Variants in GTF2F2 observed in about 807,000 individuals in gnomAD.
The protein encoded by GTF2F2 is general transcription factor IIF subunit 2, also known as ATP-dependent helicase GTF2F2.
GTF2F2 carries 23 observed loss-of-function variants against 42.2 expected under a neutral mutation model. The observed-to-expected ratio is 0.55, with a 90% CI of 0.39 to 0.77. The LOEUF is 0.77. Ranked by LOEUF, GTF2F2 falls within the 30% of genes least tolerant of loss-of-function variation. The pLI, the probability that GTF2F2 is intolerant of heterozygous loss-of-function variation, is 0.00. For synonymous variants in GTF2F2, 105 were observed against 100.8 expected, an observed-to-expected ratio of 1.04 and a Z score of -0.25; for missense variants, 261 against 287.2, an observed-to-expected ratio of 0.91 and a Z score of 0.66.
chr13:45,256,242 A>G (rs1212516842), intron 6 of GTF2F2, among the ~76,000 whole-genome samples: 1 of 152,144 alleles, frequency 6.6e-6, no homozygotes, highest in East Asian at 1.9e-4. Flanking sequence ...GAAGATTGGA[A>G]AGGAAAGAAA....
At chr13:45,121,611 A>G (rs967930335) in intron 1 of GTF2F2, among the ~76,000 whole-genome samples, 2 of 152,212 alleles carry the variant, frequency 1.3e-5, no homozygotes, top group Non-Finnish European at 2.9e-5. Context: ...CACTTTTCAC[A>G]GTGTAGAGTG....
At chr13:45,256,488 A>G (rs986177464) in intron 6 of GTF2F2, among the ~76,000 whole-genome samples, 2 of 152,170 alleles carry the variant, frequency 1.3e-5, no homozygotes, top group African/African-American at 4.8e-5. Flanking sequence ...TAAGGTTGTC[A>G]TAGTGAAAAT....
At chr13:45,258,362 C>CA (rs563202331) in intron 6 of GTF2F2, among the ~76,000 whole-genome samples, 2,854 of 135,122 alleles carry the variant, frequency 0.021, 75 homozygotes, top group African/African-American at 0.064. Flanking sequence ...TCCTGCAATA[C>CA]AAAAAAAAAA....
At chr13:45,253,642 A>G (rs1443569385) in intron 6 of GTF2F2, among the ~76,000 whole-genome samples, 2 of 152,224 alleles carry the variant, frequency 1.3e-5, no homozygotes, top group African/African-American at 4.8e-5. Context: ...GAGTAGTATG[A>G]TGAAACCTAG....
chr13:45,261,895 TGTTTA>T (rs978940967), intron 6 of GTF2F2, among the ~76,000 whole-genome samples: 13 of 152,274 alleles, frequency 8.5e-5, no homozygotes, highest in Admixed American at 8.5e-4. Flanking sequence ...ATTTCTGCAC[TGTTTA>T]GTTTTAAAAA....
Position 45,264,257 on chromosome 13 carries a change from T to C in GTF2F2, c.487-2976T>C, listed in dbSNP as rs1423704624. ...AGCATGTAAACCAAGATTTTTTTTT[T>C]ATTTTTTATTTTTTATTTTTATTTT... On this transcript the variant is annotated intron_variant, in intron 6 of 7. Coordinates refer to ENST00000340473, the MANE Select transcript of GTF2F2 (RefSeq NM_004128.3). 5.9e-5 allele frequency among the ~76,000 whole-genome samples: 9 copies of C among 151,344 alleles called. No homozygotes were observed. The South Asian group carries it at 1.9e-3, about 31-fold the overall frequency.
At chr13:45,177,707 A>C (rs1230348070) in intron 4 of GTF2F2, among the ~76,000 whole-genome samples, 1 of 152,230 alleles carries the variant, frequency 6.6e-6, no homozygotes, top group Non-Finnish European at 1.5e-5. Flanking sequence ...CCTCTAAATG[A>C]AAAAGTAAGA....
intron 1 of GTF2F2, among the ~76,000 whole-genome samples, chr13:45,125,622 C>T (rs1267004734): frequency 6.6e-6 from 1 of 152,168 alleles, no homozygotes; most frequent in Non-Finnish European, 1.5e-5. Context: ...GTGCCCAGCC[C>T]CCTTTGTGTC....
At chr13:45,278,816 CTTTTTTTTTTTTTT>C in intron 7 of GTF2F2, among the ~76,000 whole-genome samples, 1 of 62,306 alleles carries the variant, frequency 1.6e-5, no homozygotes, top group Admixed American at 2.2e-4. Context: ...TTTTCTTTTT[CTTTTTTTTTTTTTT>C]TTTTTTTTTT....
intron 7 of GTF2F2, among the ~76,000 whole-genome samples, chr13:45,272,612 T>C (rs994559442): frequency 1.3e-5 from 2 of 150,704 alleles, no homozygotes. Context: ...GGAGTGGTGG[T>C]GCACACCTGT....
chr13:45,125,271 A>G (rs1297366758), intron 1 of GTF2F2, among the ~76,000 whole-genome samples: 4 of 152,198 alleles, frequency 2.6e-5, no homozygotes, highest in African/African-American at 9.6e-5. Context: ...AAGCTTTGCC[A>G]TAGAAATTTT....
intron 2 of GTF2F2, 60 bp from the exon 3 acceptor site, chr13:45,149,710 C>CA (rs1261058539): frequency 1.4e-6 from 2 of 1,424,056 alleles, no homozygotes; most frequent in Non-Finnish European, 1.9e-6. Flanking sequence ...GCTCTTAACT[C>CA]ACATTTGAAA....
In GTF2F2 at chr13:45,283,683, C is replaced by CT. The variant is rs543234435; in HGVS notation, c.*123dup. 165 of 737,590 alleles carry CT rather than the reference C, an allele frequency of 2.2e-4. 1 individual carries two copies. The African/African-American group carries it at 2.7e-3, about 12-fold the overall frequency. 45.7% of individuals were successfully genotyped at this position (737,590 alleles called of 1,614,324 possible). ...GTTAAGTGACAGTACTTTGATTTCT[C>CT]TCGGTAAATTTTTTAAACCTGTAAT... is the stretch of plus-strand genomic sequence containing the variant. On this transcript the variant is annotated 3_prime_UTR_variant, in exon 8 of 8. Coordinates refer to ENST00000340473, the MANE Select transcript of GTF2F2 (RefSeq NM_004128.3).
At chr13:45,133,656 C>T (rs780973351) in intron 1 of GTF2F2, among the ~76,000 whole-genome samples, 2 of 152,194 alleles carry the variant, frequency 1.3e-5, no homozygotes, top group African/African-American at 4.8e-5. Context: ...ATGCTAGGCA[C>T]TAGGCAAACC....
intron 7 of GTF2F2, among the ~76,000 whole-genome samples, chr13:45,274,745 C>A (rs1272377124): frequency 6.6e-6 from 1 of 152,034 alleles, no homozygotes; most frequent in Non-Finnish European, 1.5e-5. Flanking sequence ...AGTTCGAGAC[C>A]AGCCCTGGGC....
At chr13:45,129,399 G>C (rs192056963) in intron 1 of GTF2F2, among the ~76,000 whole-genome samples, 1 of 151,902 alleles carries the variant, frequency 6.6e-6, no homozygotes, top group African/African-American at 2.4e-5. Flanking sequence ...TTGTAGAGTT[G>C]GGGTTTTGCA....
chr13:45,248,108 G>A (rs1451439807), intron 5 of GTF2F2, among the ~76,000 whole-genome samples: 1 of 152,168 alleles, frequency 6.6e-6, no homozygotes, highest in Non-Finnish European at 1.5e-5. Flanking sequence ...CTCCCAAAGT[G>A]CTGAGATTAC....
chr13:45,257,368 A>C (rs1362970412), intron 6 of GTF2F2, among the ~76,000 whole-genome samples: 1 of 152,146 alleles, frequency 6.6e-6, no homozygotes, highest in Admixed American at 6.5e-5. Flanking sequence ...CTGAAACTTG[A>C]ATCAGTTCAT....
At chr13:45,147,863 CCTCA>C (rs1287145656) in intron 2 of GTF2F2, among the ~76,000 whole-genome samples, 4 of 152,160 alleles carry the variant, frequency 2.6e-5, no homozygotes, top group Admixed American at 2.6e-4. Flanking sequence ...CGACTTCATC[CCTCA>C]CTCACTTCTT....
Sources: allele counts gnomAD v4.1 joint callset (sites outside exome capture counted in the v4.1 genomes callset), GRCh38; gene constraint gnomAD v4.1.1; transcripts MANE v1.5; gene names NCBI Gene and HGNC (gene_info 2026-07-23, HGNC 2026-07-21).